The following BCL2 variants were observed in gnomAD, a reference collection of about 807,000 sequenced individuals.
The protein encoded by BCL2 is BCL2 apoptosis regulator, also known as apoptosis regulator Bcl-2.
A neutral mutation model predicts 14.2 loss-of-function variants in BCL2; 1 was observed. The observed-to-expected ratio is 0.07, with a 90% confidence interval of 0.02 to 0.33. BCL2 has a LOEUF of 0.33. BCL2 is among the 10% of genes least tolerant of loss of function. The pLI is 0.99. For missense variants in BCL2, 247 were observed against 305.9 expected, an observed-to-expected ratio of 0.81 and a Z score of 1.44; for synonymous variants, 151 against 137.2, an observed-to-expected ratio of 1.10 and a Z score of -0.70.
intron 2 of BCL2, among the ~76,000 whole-genome samples, chr18:63,246,035 G>A (rs910106464): frequency 1.3e-5 from 2 of 152,152 alleles, no homozygotes; most frequent in African/African-American, 4.8e-5. Context: ...TAGAGAGTGG[G>A]TGGGGTGGGA....
chr18:63,157,841 C>T (rs181315287), intron 2 of BCL2, among the ~76,000 whole-genome samples: 7 of 152,292 alleles, frequency 4.6e-5, no homozygotes, highest in African/African-American at 1.4e-4. Context: ...GACAGAGAAA[C>T]AAATACCGCT....
chr18:63,231,655 A>G (rs943927442), intron 2 of BCL2, among the ~76,000 whole-genome samples: 4 of 152,114 alleles, frequency 2.6e-5, no homozygotes, highest in Non-Finnish European at 5.9e-5. Flanking sequence ...CAAGGCCTAT[A>G]TGGAAAAAAA....
chr18:63,266,036 T>A (rs1189016642), intron 2 of BCL2, among the ~76,000 whole-genome samples: 1 of 152,178 alleles, frequency 6.6e-6, no homozygotes, highest in African/African-American at 2.4e-5. Flanking sequence ...TAAATGCACC[T>A]GCCCTTTGGC....
In BCL2 at chr18:63,126,002, CT is replaced by C. The variant is rs1195795142; in HGVS notation, c.*2622del. The C allele has an allele frequency of 4.6e-6, 1 of 216,422 alleles. No homozygotes were observed. Among genetic ancestry groups the C allele is most frequent in the Non-Finnish European group, 9.3e-6 (1 of 107,206 alleles). The allele number at this position is 216,422 out of a possible 1,614,324, so 13.4% of individuals were successfully genotyped here. On this transcript the variant is annotated 3_prime_UTR_variant, in exon 3 of 3. Transcript: ENST00000333681. ...GCTTTATATTAAAAACGTCCACGTT[CT>C]TCATTGTTACTTCTAAAGCAGCTTG...
intron 2 of BCL2, among the ~76,000 whole-genome samples, chr18:63,311,344 C>T (rs1473389261): frequency 6.6e-6 from 1 of 152,116 alleles, no homozygotes; most frequent in Admixed American, 6.5e-5. Context: ...CAACACTGAT[C>T]CTTTGTTTGG....
intron 2 of BCL2, among the ~76,000 whole-genome samples, chr18:63,295,408 C>T (rs1239350423): frequency 1.3e-5 from 2 of 152,272 alleles, no homozygotes; most frequent in Admixed American, 6.5e-5. Flanking sequence ...GCCCCCAGCA[C>T]ATCAGACAGC....
chr18:63,287,530 G>A (rs1912510293), intron 2 of BCL2, among the ~76,000 whole-genome samples: 1 of 152,126 alleles, frequency 6.6e-6, no homozygotes, highest in Non-Finnish European at 1.5e-5. Flanking sequence ...CTCTCATCAT[G>A]AAATATGTTT....
At position 63,220,911 on chromosome 18, in the gene BCL2, A is replaced by G. The variant is rs548696322; in HGVS notation, c.586-92152T>C. Among the ~76,000 whole-genome samples the G allele has an allele frequency of 2.6e-5, 4 of 152,340 alleles. 1 individual carries two copies. The highest frequency in any genetic ancestry group is 4.1e-4 in the South Asian group (2 of 4,822). On this transcript the variant is annotated intron_variant, in intron 2 of 2. Transcript: ENST00000333681. ...AAGCCACTTAAATAATTCAACAAGC[A>G]TTACTACTCTGTATTCAAGAAGAGA...
chr18:63,297,954 T>C (rs561458992), intron 2 of BCL2, among the ~76,000 whole-genome samples: 12 of 152,246 alleles, frequency 7.9e-5, no homozygotes, highest in Admixed American at 7.8e-4. Flanking sequence ...GTGAAATCAT[T>C]TGCATTCTAT....
intron 2 of BCL2, among the ~76,000 whole-genome samples, chr18:63,191,233 G>A (rs558630041): frequency 1.3e-5 from 2 of 152,202 alleles, no homozygotes; most frequent in African/African-American, 4.8e-5. Context: ...TGGGATTGAT[G>A]GCTCAAATGG....
chr18:63,276,599 T>G (rs1463848816), intron 2 of BCL2, among the ~76,000 whole-genome samples: 1 of 152,230 alleles, frequency 6.6e-6, no homozygotes. Flanking sequence ...TGGATTTCAA[T>G]AGGGAATGAT....
At chr18:63,135,693 C>T (rs1568212537) in intron 2 of BCL2, among the ~76,000 whole-genome samples, 4 of 152,192 alleles carry the variant, frequency 2.6e-5, no homozygotes, top group African/African-American at 9.7e-5. Flanking sequence ...AACCTTCCTC[C>T]GTCAATTGTC....
intron 2 of BCL2, among the ~76,000 whole-genome samples, chr18:63,191,544 T>C (rs1387820393): frequency 6.6e-6 from 1 of 152,236 alleles, no homozygotes; most frequent in Admixed American, 6.5e-5. Context: ...CCTACTCATA[T>C]GAAAAAACAC....
At chr18:63,227,332 G>A (rs943772089) in intron 2 of BCL2, among the ~76,000 whole-genome samples, 2 of 152,176 alleles carry the variant, frequency 1.3e-5, no homozygotes, top group African/African-American at 4.8e-5. Flanking sequence ...TCAGTAAGAA[G>A]GAATTTGAAC....
intron 2 of BCL2, chr18:63,316,470 C>T (rs1418343050): frequency 2.0e-5 from 3 of 152,142 alleles, no homozygotes; most frequent in Non-Finnish European, 4.4e-5. Flanking sequence ...CCTACTTAAC[C>T]AAATATTTAA....
At chr18:63,223,323 C>T (rs983081317) in intron 2 of BCL2, among the ~76,000 whole-genome samples, 2 of 151,908 alleles carry the variant, frequency 1.3e-5, no homozygotes, top group East Asian at 3.9e-4. Context: ...TGGTGTGAAC[C>T]CGGGAGGCGG....
At chr18:63,214,588 G>A (rs533341337) in intron 2 of BCL2, among the ~76,000 whole-genome samples, 11 of 151,802 alleles carry the variant, frequency 7.2e-5, no homozygotes, top group African/African-American at 2.4e-4. Flanking sequence ...TAAACCAGGA[G>A]GGAAATTTCT....
chr18:63,198,720 C>G (rs1435811343), intron 2 of BCL2, among the ~76,000 whole-genome samples: 100 of 139,260 alleles, frequency 7.2e-4, no homozygotes, highest in East Asian at 8.8e-4. Flanking sequence ...GACACACACA[C>G]ACAGACACAC....
intron 2 of BCL2, among the ~76,000 whole-genome samples, chr18:63,272,338 G>C (rs4987740): frequency 7.2e-5 from 11 of 152,246 alleles, no homozygotes; most frequent in Admixed American, 7.2e-4. Context: ...CATTACAGGA[G>C]GTATGTTGAA....
Sources: gnomAD v4.1 joint callset for allele counts (sites outside exome capture counted in the v4.1 genomes callset) on GRCh38, gnomAD v4.1.1 for gene constraint, MANE v1.5 for transcripts, NCBI Gene and HGNC (gene_info 2026-07-23, HGNC 2026-07-21) for gene names.